The following ZBTB20 variants were observed in gnomAD, a reference collection of about 807,000 sequenced individuals.
The protein encoded by ZBTB20 is zinc finger and BTB domain-containing protein 20.
A neutral mutation model predicts 56.9 loss-of-function variants in ZBTB20; 9 were observed. That is an observed-to-expected ratio of 0.16 (90% CI 0.10 to 0.28). The LOEUF (loss-of-function observed/expected upper bound fraction) is 0.28, where lower values mean the gene tolerates loss of function less well. ZBTB20 is among the 10% of genes least tolerant of loss of function. The pLI is 1.00. For synonymous variants in ZBTB20, 417 were observed against 420.7 expected (o/e 0.99, Z 0.11); for missense variants, 655 against 1,003.0 (o/e 0.65, Z 4.69).
intron 6 of ZBTB20, among the ~76,000 whole-genome samples, chr3:114,562,733 G>A (rs555915175): frequency 3.9e-4 from 59 of 152,196 alleles, no homozygotes; most frequent in Non-Finnish European, 7.8e-4. Flanking sequence ...GGTCATTGCC[G>A]GGTTATTAAC....
At position 114,551,128 on chromosome 3, in the gene ZBTB20, T is replaced by C. The variant is rs553156236; in HGVS notation, c.-294-50737A>G. 2.7e-4 allele frequency among the ~76,000 whole-genome samples: 41 copies of C among 152,344 alleles called. 1 individual carries two copies. Among genetic ancestry groups the C allele is most frequent in the Non-Finnish European group, 5.7e-4 (39 of 68,034 alleles). On this transcript the variant is annotated intron_variant, in intron 6 of 11. Transcript: ENST00000675478. The stretch of plus-strand genomic sequence containing the variant: ...TAGACTCACAAGGATTAAAAATTAT[T>C]TCGATTGTCTTTAAATCGATTGTTT...
intron 1 of ZBTB20, among the ~76,000 whole-genome samples, chr3:115,074,219 G>A (rs2082515172): frequency 1.3e-5 from 2 of 152,150 alleles, no homozygotes; most frequent in African/African-American, 4.8e-5. Flanking sequence ...AGAATAAAAT[G>A]TATCTCTAAG....
chr3:115,070,052 T>C (rs190070533), intron 2 of ZBTB20, among the ~76,000 whole-genome samples: 15 of 152,284 alleles, frequency 9.9e-5, no homozygotes, highest in African/African-American at 3.6e-4. Flanking sequence ...TAAAGTTTCA[T>C]GTTTTCCTTC....
intron 2 of ZBTB20, among the ~76,000 whole-genome samples, chr3:115,054,192 ACTT>A (rs58918926): frequency 0.086 from 13,079 of 152,116 alleles, 1,638 homozygotes; most frequent in African/African-American, 0.28. Context: ...GTGAAAAAAT[ACTT>A]CTTATTGTGA....
chr3:115,097,043 A>T (rs1451053706), intron 1 of ZBTB20, among the ~76,000 whole-genome samples: 1 of 152,222 alleles, frequency 6.6e-6, no homozygotes. Flanking sequence ...AGTAAAATCC[A>T]ATAAATCACT....
intron 6 of ZBTB20, among the ~76,000 whole-genome samples, chr3:114,515,632 C>T (rs538163255): frequency 2.0e-5 from 3 of 152,254 alleles, no homozygotes; most frequent in South Asian, 2.1e-4. Context: ...AGTAACCTTG[C>T]CTCCTTTTGC....
At chr3:114,448,107 AC>A (rs540903022) in intron 7 of ZBTB20, among the ~76,000 whole-genome samples, 229 of 151,876 alleles carry the variant, frequency 1.5e-3, no homozygotes, top group Admixed American at 2.3e-3. Flanking sequence ...TAGCCTACTT[AC>A]TCCTCCTGCC....
intron 6 of ZBTB20, among the ~76,000 whole-genome samples, chr3:114,546,285 A>T (rs2049868394): frequency 1.3e-5 from 2 of 152,204 alleles, no homozygotes; most frequent in Admixed American, 1.3e-4. Context: ...ATTTAAGGAT[A>T]AACCCATTTG....
intron 3 of ZBTB20, among the ~76,000 whole-genome samples, chr3:114,952,506 G>T (rs2077103043): frequency 1.3e-5 from 2 of 151,686 alleles, no homozygotes; most frequent in Non-Finnish European, 2.9e-5. Context: ...TTCTGAAAAG[G>T]TATTTGACAA....
chr3:114,823,864 A>G (rs2073380486), intron 4 of ZBTB20, among the ~76,000 whole-genome samples: 1 of 152,048 alleles, frequency 6.6e-6, no homozygotes, highest in Non-Finnish European at 1.5e-5. Flanking sequence ...ACCATACGTG[A>G]TTAAAACACA....
At position 114,739,321 on chromosome 3, in the gene ZBTB20, C is replaced by T. The variant is rs183412381; in HGVS notation, c.-342-45746G>A. Among the ~76,000 whole-genome samples, 62 of 152,312 alleles carry T rather than the reference C, an allele frequency of 4.1e-4. 1 individual carries two copies. Among genetic ancestry groups the T allele is most frequent in the Non-Finnish European group, 6.6e-4 (45 of 68,030 alleles). ...TACCAGAGCTTCCAATTGTCAGGCC[C>T]TTTGAATCCACCCTTTGTGTCAAAC... On this transcript the variant is annotated intron_variant, in intron 5 of 11. Transcript: ENST00000675478.
chr3:114,609,761 C>T (rs575619721), intron 6 of ZBTB20, among the ~76,000 whole-genome samples: 1 of 152,144 alleles, frequency 6.6e-6, no homozygotes, highest in Non-Finnish European at 1.5e-5. Flanking sequence ...CGGAAATACA[C>T]CTGATGGCAG....
At chr3:114,899,228 G>A (rs1490725759) in intron 4 of ZBTB20, among the ~76,000 whole-genome samples, 1 of 151,888 alleles carries the variant, frequency 6.6e-6, no homozygotes, top group Non-Finnish European at 1.5e-5. Context: ...TACCCCAACA[G>A]CAACAGAAAC....
At chr3:114,971,181 T>C (rs960410326) in intron 3 of ZBTB20, among the ~76,000 whole-genome samples, 2 of 152,238 alleles carry the variant, frequency 1.3e-5, no homozygotes, top group Non-Finnish European at 2.9e-5. Context: ...TAACGCTGTT[T>C]ATTTTTTCGG....
chr3:114,503,550 A>G (rs1435301665), intron 6 of ZBTB20, among the ~76,000 whole-genome samples: 1 of 152,230 alleles, frequency 6.6e-6, no homozygotes, highest in Non-Finnish European at 1.5e-5. Flanking sequence ...TTATATGTCT[A>G]TAAGTTGTTT....
At chr3:114,709,305 TACTC>T (rs1189288425) in intron 5 of ZBTB20, among the ~76,000 whole-genome samples, 2 of 152,092 alleles carry the variant, frequency 1.3e-5, no homozygotes, top group Non-Finnish European at 2.9e-5. Context: ...TCATGGTTCT[TACTC>T]ACCCCTACAC....
chr3:114,786,112 A>G (rs1360361395), intron 5 of ZBTB20, among the ~76,000 whole-genome samples: 2 of 152,110 alleles, frequency 1.3e-5, no homozygotes, highest in African/African-American at 4.8e-5. Context: ...CACAAGCCAT[A>G]GTAGTGAGAA....
intron 10 of ZBTB20, among the ~76,000 whole-genome samples, chr3:114,361,529 A>G (rs1013118806): frequency 2.7e-4 from 41 of 152,224 alleles, no homozygotes; most frequent in African/African-American, 5.1e-4. Context: ...AGGTTTTTGT[A>G]TACTTTATAG....
At chr3:115,141,921 G>A (rs941009790) in intron 1 of ZBTB20, among the ~76,000 whole-genome samples, 5 of 152,014 alleles carry the variant, frequency 3.3e-5, no homozygotes, top group East Asian at 1.9e-4. Flanking sequence ...ATCTTCTGCC[G>A]TTAAAAATAC....
Sources: allele counts gnomAD v4.1 joint callset (sites outside exome capture counted in the v4.1 genomes callset), GRCh38; gene constraint gnomAD v4.1.1; transcripts MANE v1.5; gene names NCBI Gene and HGNC (gene_info 2026-07-23, HGNC 2026-07-21).